Variants in SCML4 observed in about 807,000 individuals in gnomAD.
SCML4 encodes the protein sex comb on midleg-like protein 4.
A neutral mutation model predicts 41.1 loss-of-function variants in SCML4; 34 were observed. That is an observed-to-expected ratio of 0.83 (90% CI 0.63 to 1.10). SCML4 has a LOEUF of 1.10. Among genes scored for constraint, SCML4 ranks in the 50% least tolerant of loss-of-function variants. The pLI, the probability that SCML4 is intolerant of heterozygous loss-of-function variation, is 0.00. For missense variants in SCML4, 522 were observed against 534.1 expected (o/e 0.98, Z 0.22); for synonymous variants, 214 against 220.9 (o/e 0.97, Z 0.28).
chr6:107,796,841 T>G (rs534363898), intron 1 of SCML4, among the ~76,000 whole-genome samples: 86 of 152,258 alleles, frequency 5.6e-4, no homozygotes, highest in Admixed American at 2.8e-3. Flanking sequence ...TAATTCATGG[T>G]AATTATTGTG....
intron 1 of SCML4, among the ~76,000 whole-genome samples, chr6:107,796,019 T>C (rs1382383717): frequency 1.3e-5 from 2 of 152,250 alleles, no homozygotes; most frequent in African/African-American, 4.8e-5. Context: ...TTTCTTTTTA[T>C]TGCTGAATAG....
chr6:107,745,113 A>G lies in SCML4; in HGVS notation c.518T>C (p.Leu173Pro), dbSNP rs1462271155. ...VSASFDGKQHLRSLPVVNSIG... is the reference protein window; with the variant it reads ...VSASFDGKQHPRSLPVVNSIG... Reference sequence around the variant, plus strand: ...GCTGTTCACCACAGGCAGGCTCCGCAGGTGCTGTTTGCCATCAAAGGAAGC... The same window carrying G: ...GCTGTTCACCACAGGCAGGCTCCGCGGGTGCTGTTTGCCATCAAAGGAAGC... Residue 173 changes from leucine to proline, a missense_variant, in exon 5 of 8, where the codon CTG becomes CCG. Coordinates refer to ENST00000369020, the MANE Select transcript of SCML4 (RefSeq NM_198081.5). 14 of 1,599,324 alleles carry G rather than the reference A, an allele frequency of 8.8e-6. No homozygotes were observed. The highest frequency in any genetic ancestry group is 1.2e-5 in the Non-Finnish European group (14 of 1,172,654).
At chr6:107,832,442 C>A in the SCML4 span, among the ~76,000 whole-genome samples, 1 of 152,142 alleles carries the variant, frequency 6.6e-6, no homozygotes, top group Admixed American at 6.5e-5. Flanking sequence ...CAAGGGAGAG[C>A]CTCTCCAGGT....
intron 1 of SCML4, among the ~76,000 whole-genome samples, chr6:107,773,588 T>C (rs1160960770): frequency 2.1e-3 from 43 of 20,156 alleles, no homozygotes; most frequent in South Asian, 6.3e-3. Context: ...CAAGACTGTC[T>C]CAAAAAAAAA....
rs184505614 is a variant in SCML4, at chr6:107,772,308, G to C, written c.20C>G (p.Pro7Arg). The C allele has an allele frequency of 1.7e-5, 27 of 1,551,134 alleles. No individual in the cohort carries two copies. The highest frequency in any genetic ancestry group is 2.1e-5 in the Non-Finnish European group (24 of 1,146,792). ...TGAGGGTCGGCCTCGCTTTCTCCCCGGGATCCTTTGAGACTGCATTTCTGC... is the reference window on the plus strand; with the variant it reads ...TGAGGGTCGGCCTCGCTTTCTCCCCCGGATCCTTTGAGACTGCATTTCTGC... Reference protein sequence around the residue: MQSQRIPGRKRGRPSLH... With the variant: MQSQRIRGRKRGRPSLH... Residue 7 changes from proline (P) to arginine (R), a missense_variant, in exon 2 of 8, where the codon CCG becomes CGG. Physicochemically the swap from Pro to Arg is moderately radical, Grantham distance 103. Coordinates refer to ENST00000369020, the MANE Select transcript of SCML4 (RefSeq NM_198081.5).
At chr6:107,825,152 C>A (rs1315696047), upstream of SCML4, among the ~76,000 whole-genome samples, 1 of 152,178 alleles carries the variant, frequency 6.6e-6, no homozygotes, top group Non-Finnish European at 1.5e-5. Flanking sequence ...CTTTTCCTTT[C>A]TTTTTGTAAA....
At chr6:107,780,565 A>T (rs976104945) in intron 1 of SCML4, among the ~76,000 whole-genome samples, 3 of 151,766 alleles carry the variant, frequency 2.0e-5, no homozygotes, top group Non-Finnish European at 4.4e-5. Context: ...AAATTAGCCT[A>T]GCGTGGTGGC....
chr6:107,765,767 T>C (rs1014043058), intron 2 of SCML4, among the ~76,000 whole-genome samples: 1 of 152,214 alleles, frequency 6.6e-6, no homozygotes, highest in Non-Finnish European at 1.5e-5. Context: ...CCCAAATCCA[T>C]ATTCAGGGAT....
rs1215824622 is a variant in SCML4 at position 107,779,860 on chromosome 6, G to A, written c.-59-7474C>T. On this transcript the variant is annotated intron_variant, in intron 1 of 7. Transcript: ENST00000369020. ...AGGTGGCTCAAACTCTCCTGCTTTG[G>A]AGGCCTTTCCTCGTCCACACACTGG... 3.3e-5 allele frequency among the ~76,000 whole-genome samples: 5 copies of A among 152,286 alleles called. No individual in the cohort carries two copies. In the East Asian group the frequency reaches 7.7e-4, roughly 23 times the overall value.
the SCML4 span, among the ~76,000 whole-genome samples, chr6:107,831,432 AAC>A: frequency 2.8e-5 from 4 of 144,490 alleles, no homozygotes; most frequent in East Asian, 7.9e-4. Context: ...AAAAAAAAAA[AAC>A]CCAGCTCGTT....
intron 2 of SCML4, chr6:107,755,731 T>A: frequency 1.5e-6 from 1 of 657,140 alleles, no homozygotes; most frequent in Non-Finnish European, 2.1e-6. Context: ...AGTTCTGATA[T>A]AGTGGTTTCT....
intron 5 of SCML4, among the ~76,000 whole-genome samples, chr6:107,739,168 G>A (rs968405555): frequency 1.3e-5 from 2 of 152,112 alleles, no homozygotes; most frequent in Admixed American, 6.5e-5. Context: ...TTGTTTGAAA[G>A]TTTGGCAGGG....
intron 1 of SCML4, among the ~76,000 whole-genome samples, chr6:107,778,240 T>TATATATATATATATATAG (rs1781188785): frequency 1.7e-4 from 2 of 12,058 alleles, no homozygotes; most frequent in South Asian, 5.2e-3. Flanking sequence ...TATATATATA[T>TATATATATATATATATAG]ATATATATAT....
intron 1 of SCML4, among the ~76,000 whole-genome samples, chr6:107,812,913 A>T (rs1784268576): frequency 6.6e-6 from 1 of 151,268 alleles, no homozygotes; most frequent in Non-Finnish European, 1.5e-5. Flanking sequence ...ACACACACAC[A>T]CATACCCTAT....
the SCML4 span, among the ~76,000 whole-genome samples, chr6:107,843,655 C>G: frequency 6.6e-6 from 1 of 152,326 alleles, no homozygotes; most frequent in East Asian, 1.9e-4. Context: ...TCATCGCCCA[C>G]AGGCCCTGCA....
chr6:107,807,817 A>AG (rs1170725662), intron 1 of SCML4, among the ~76,000 whole-genome samples: 1 of 152,240 alleles, frequency 6.6e-6, no homozygotes, highest in Non-Finnish European at 1.5e-5. Context: ...TTGTACGGAA[A>AG]GGGGGCTATG....
At chr6:107,834,318 A>G in the SCML4 span, among the ~76,000 whole-genome samples, 3 of 152,146 alleles carry the variant, frequency 2.0e-5, no homozygotes. Context: ...CTCTGATCTC[A>G]AGGACATAGG....
At chr6:107,735,458 CTGTTT>C (rs1432379702) in intron 5 of SCML4, among the ~76,000 whole-genome samples, 1 of 150,824 alleles carries the variant, frequency 6.6e-6, no homozygotes, top group African/African-American at 2.5e-5. Flanking sequence ...GATTCCAGTT[CTGTTT>C]TTTTTTCTTC....
chr6:107,774,681 A>G (rs908787713), intron 1 of SCML4, among the ~76,000 whole-genome samples: 6 of 152,078 alleles, frequency 3.9e-5, no homozygotes, highest in Non-Finnish European at 8.8e-5. Flanking sequence ...ACTGAGGAGT[A>G]AAGACAACCT....
Sources: allele counts gnomAD v4.1 joint callset (sites outside exome capture counted in the v4.1 genomes callset), GRCh38; gene constraint gnomAD v4.1.1; transcripts MANE v1.5; gene names NCBI Gene and HGNC (gene_info 2026-07-23, HGNC 2026-07-21).